EEFSEC: variants seen among roughly 807,000 people sequenced by gnomAD.
The protein encoded by EEFSEC is eukaryotic elongation factor, selenocysteine-tRNA specific, also known as selenocysteine-specific elongation factor.
EEFSEC carries 43 observed loss-of-function variants against 42.1 expected under a neutral mutation model. The ratio of observed to expected loss-of-function variants is 1.02; its 90% CI spans 0.80 to 1.32. The LOEUF (loss-of-function observed/expected upper bound fraction) is 1.32. Ranked by LOEUF, EEFSEC falls within the 40% of genes most tolerant of loss-of-function variation. The pLI is 0.00. For synonymous variants in EEFSEC, 354 were observed against 339.1 expected (o/e 1.04, Z -0.48); for missense variants, 745 against 803.6 (o/e 0.93, Z 0.88).
the EEFSEC span, among the ~76,000 whole-genome samples, chr3:128,422,150 T>G: frequency 6.6e-6 from 1 of 152,102 alleles, no homozygotes; most frequent in African/African-American, 2.4e-5. Context: ...CTGGGGCAAC[T>G]GCAGAGCCTG....
chr3:128,241,470 C>T (rs2066071043), intron 1 of EEFSEC, among the ~76,000 whole-genome samples: 1 of 152,112 alleles, frequency 6.6e-6, no homozygotes, highest in African/African-American at 2.4e-5. Flanking sequence ...CTCAGCCTCC[C>T]AAAGTGCTGG....
At chr3:128,207,359 T>G (rs1451685819) in intron 1 of EEFSEC, among the ~76,000 whole-genome samples, 1 of 151,742 alleles carries the variant, frequency 6.6e-6, no homozygotes, top group African/African-American at 2.4e-5. Context: ...GTTGCCCATC[T>G]TGTGGCTCCC....
intron 6 of EEFSEC, among the ~76,000 whole-genome samples, chr3:128,372,722 G>A (rs975525850): frequency 6.6e-6 from 1 of 152,188 alleles, no homozygotes; most frequent in African/African-American, 2.4e-5. Context: ...CACCCCCTGA[G>A]GTGGGCACTA....
intron 2 of EEFSEC, among the ~76,000 whole-genome samples, chr3:128,249,660 AC>A (rs1272067645): frequency 1.3e-5 from 2 of 152,026 alleles, no homozygotes; most frequent in Non-Finnish European, 2.9e-5. Context: ...TGTTCTAGAT[AC>A]CTTTTATCAG....
intron 6 of EEFSEC, among the ~76,000 whole-genome samples, chr3:128,367,469 A>T (rs2107600914): frequency 6.6e-6 from 1 of 152,316 alleles, no homozygotes; most frequent in African/African-American, 2.4e-5. Flanking sequence ...TGAGGGTGCC[A>T]CAGTGGTGCT....
chr3:128,423,805 G>A, the EEFSEC span, among the ~76,000 whole-genome samples: 4 of 152,338 alleles, frequency 2.6e-5, no homozygotes, highest in East Asian at 7.7e-4. Context: ...CACTTTAAGT[G>A]GGGGAACTTT....
chr3:128,262,251 C>T, intron 3 of EEFSEC, 27 bp downstream of exon 3: 1 of 1,606,060 alleles, frequency 6.2e-7, no homozygotes, highest in Non-Finnish European at 8.5e-7. Flanking sequence ...TCCAGGTTGC[C>T]CTTTAGCCCC....
intron 1 of EEFSEC, among the ~76,000 whole-genome samples, chr3:128,176,486 C>T (rs2065349418): frequency 1.3e-5 from 2 of 152,118 alleles, no homozygotes; most frequent in Non-Finnish European, 2.9e-5. Flanking sequence ...CGGGAGAGAC[C>T]AGTCTGCTGG....
At chr3:128,425,701 T>TGCCCTCCTGG in the EEFSEC span, among the ~76,000 whole-genome samples, 11 of 152,182 alleles carry the variant, frequency 7.2e-5, no homozygotes, top group East Asian at 1.9e-4. Flanking sequence ...GAACGAGCTC[T>TGCCCTCCTGG]GCCCTCCTGG....
chr3:128,339,052 C>T lies in EEFSEC; in HGVS notation c.787-2181C>T, dbSNP rs112856361. Among the ~76,000 whole-genome samples the T allele has an allele frequency of 5.6e-3, 854 of 152,300 alleles. 10 individuals are homozygous for T. Among genetic ancestry groups the T allele is most frequent in the African/African-American group, 0.02 (814 of 41,554 alleles). On this transcript the variant is annotated intron_variant, in intron 4 of 6. Coordinates refer to ENST00000254730, the MANE Select transcript of EEFSEC (RefSeq NM_021937.5). The stretch of plus-strand genomic sequence containing the variant: ...CCTGGGCCCCACCTCACTGGGCAGA[C>T]GACGCTTAGTGTAAGGTGATATTCT...
chr3:128,301,209 G>C (rs1334384156), intron 4 of EEFSEC, among the ~76,000 whole-genome samples: 1 of 152,186 alleles, frequency 6.6e-6, no homozygotes, highest in African/African-American at 2.4e-5. Context: ...GTGAAGCCGT[G>C]GAGACTTGCC....
chr3:128,388,881 G>A (rs1251323175), intron 6 of EEFSEC, among the ~76,000 whole-genome samples: 1 of 152,224 alleles, frequency 6.6e-6, no homozygotes, highest in African/African-American at 2.4e-5. Context: ...CAGGTCTGCT[G>A]TTGGTTCTTC....
chr3:128,399,422 C>T (rs373504436), intron 6 of EEFSEC, among the ~76,000 whole-genome samples: 4 of 152,238 alleles, frequency 2.6e-5, no homozygotes, highest in Admixed American at 2.6e-4. Context: ...GAGGCTCCTG[C>T]GAAGGGCCCG....
intron 1 of EEFSEC, among the ~76,000 whole-genome samples, chr3:128,199,220 A>G (rs554644584): frequency 1.3e-5 from 2 of 152,312 alleles, no homozygotes; most frequent in African/African-American, 4.8e-5. Context: ...TTTTCTCACT[A>G]CAAAGCTTCT....
intron 1 of EEFSEC, among the ~76,000 whole-genome samples, chr3:128,200,935 G>A (rs1476501119): frequency 6.6e-6 from 1 of 152,150 alleles, no homozygotes; most frequent in Non-Finnish European, 1.5e-5. Flanking sequence ...CCTAGAATGG[G>A]ACAGTTTGCT....
At chr3:128,362,112 G>C in intron 6 of EEFSEC, 2 of 407,282 alleles carry the variant, frequency 4.9e-6, no homozygotes, top group Non-Finnish European at 1.0e-5. Flanking sequence ...GTGGTGCTTG[G>C]AGAAGCACTG....
chr3:128,264,544 T>G, intron 3 of EEFSEC, 73 bp from the exon 4 acceptor site: 1 of 1,529,378 alleles, frequency 6.5e-7, no homozygotes, highest in Non-Finnish European at 8.9e-7. Context: ...TCAGCCACAT[T>G]CTCTGCCTTC....
At chr3:128,400,204 C>T (rs939687371) in intron 6 of EEFSEC, among the ~76,000 whole-genome samples, 1 of 152,248 alleles carries the variant, frequency 6.6e-6, no homozygotes, top group Admixed American at 6.5e-5. Context: ...TCCGTGACCA[C>T]CTGTGGCCTG....
intron 4 of EEFSEC, among the ~76,000 whole-genome samples, chr3:128,331,644 C>G (rs538060320): frequency 1.3e-5 from 2 of 151,972 alleles, no homozygotes; most frequent in Middle Eastern, 3.2e-3. Flanking sequence ...ACTTTGCCAC[C>G]CCTAGGAGTT....
Sources: gnomAD v4.1 joint callset for allele counts (sites outside exome capture counted in the v4.1 genomes callset) on GRCh38, gnomAD v4.1.1 for gene constraint, MANE v1.5 for transcripts, NCBI Gene and HGNC (gene_info 2026-07-23, HGNC 2026-07-21) for gene names.